Variants in FRMD4B observed in about 807,000 individuals in gnomAD.
The protein encoded by FRMD4B is FERM domain-containing protein 4B.
A neutral mutation model predicts 141.5 loss-of-function variants in FRMD4B; 74 were observed. The ratio of observed to expected loss-of-function variants is 0.52; its 90% CI spans 0.43 to 0.63. The LOEUF (loss-of-function observed/expected upper bound fraction) is 0.63, where lower values mean the gene tolerates loss of function less well. Among genes scored for constraint, FRMD4B ranks in the 30% least tolerant of loss-of-function variants. The pLI, the probability that FRMD4B is intolerant of heterozygous loss-of-function variation, is 0.00. For synonymous variants in FRMD4B, 506 were observed against 467.9 expected (o/e 1.08, Z -1.05); for missense variants, 1,366 against 1,253.4 (o/e 1.09, Z -1.36).
At chr3:69,271,451 C>A (rs1264913240) in intron 5 of FRMD4B, among the ~76,000 whole-genome samples, 7 of 152,042 alleles carry the variant, frequency 4.6e-5, no homozygotes, top group African/African-American at 1.7e-4. Flanking sequence ...GAGGTGACAG[C>A]CAAAGATCAC....
At chr3:69,536,811 A>G (rs1195186639) in intron 1 of FRMD4B, 1 of 400,492 alleles carries the variant, frequency 2.5e-6, no homozygotes, top group Non-Finnish European at 4.6e-6. Flanking sequence ...CAATGGCACT[A>G]TCACGGCTCA....
chr3:69,205,872 G>A (rs1290903521), intron 11 of FRMD4B, among the ~76,000 whole-genome samples: 6 of 152,172 alleles, frequency 3.9e-5, no homozygotes, highest in Non-Finnish European at 7.3e-5. Flanking sequence ...TAATTCTGGA[G>A]TTCTATTTCT....
At chr3:69,310,618 G>T in intron 3 of FRMD4B, 4 of 292,920 alleles carry the variant, frequency 1.4e-5, no homozygotes, top group South Asian at 5.4e-5. Flanking sequence ...AGAGAAAAGA[G>T]CTAGTAAATC....
chr3:69,504,539 G>C (rs1706563686), intron 1 of FRMD4B, among the ~76,000 whole-genome samples: 1 of 152,138 alleles, frequency 6.6e-6, no homozygotes, highest in African/African-American at 2.4e-5. Context: ...TGCCTATTCT[G>C]GGCATTTCAT....
intron 1 of FRMD4B, among the ~76,000 whole-genome samples, chr3:69,532,000 A>G (rs566597744): frequency 2.4e-4 from 37 of 152,340 alleles, no homozygotes; most frequent in Non-Finnish European, 4.9e-4. Context: ...TACAAATTGA[A>G]TTACTTTAAC....
At chr3:69,367,849 T>G (rs1431837361) in intron 1 of FRMD4B, among the ~76,000 whole-genome samples, 1 of 152,196 alleles carries the variant, frequency 6.6e-6, no homozygotes, top group Non-Finnish European at 1.5e-5. Flanking sequence ...AGAGAACAAA[T>G]ATCTTACATT....
chr3:69,181,123 GGCAGCCGGAGAGTT>G lies in FRMD4B; in HGVS notation c.2613_2626del (p.Thr872LysfsTer45). ...CTCCGATTTTGCAGCAGCCTTCCTT[GGCAGCCGGAGAGTT>G]GCATATGGGTTATGGGGTACCCGGT... is the stretch of plus-strand genomic sequence containing the variant. On this transcript the variant is annotated frameshift_variant, in exon 21 of 23. Coordinates refer to ENST00000398540, the MANE Select transcript of FRMD4B (RefSeq NM_015123.3). LOFTEE classifies it high-confidence loss of function. 6.2e-7 allele frequency: 1 copy of G among 1,613,966 alleles called. No individual in the cohort carries two copies. The highest frequency in any genetic ancestry group is 8.5e-7 in the Non-Finnish European group (1 of 1,179,876).
intron 1 of FRMD4B, among the ~76,000 whole-genome samples, chr3:69,480,528 C>T (rs9825730): frequency 0.025 from 3,739 of 152,200 alleles, 169 homozygotes; most frequent in African/African-American, 0.085. Flanking sequence ...AGCGGATTTT[C>T]GTGAACCGTG....
intron 1 of FRMD4B, among the ~76,000 whole-genome samples, chr3:69,335,012 A>G (rs77614730): frequency 0.02 from 3,072 of 152,262 alleles, 119 homozygotes; most frequent in African/African-American, 0.069. Context: ...AGGCTGGGCC[A>G]GTGGTTCATA....
intron 5 of FRMD4B, among the ~76,000 whole-genome samples, chr3:69,278,021 A>G (rs2093626557): frequency 6.6e-6 from 1 of 150,866 alleles, no homozygotes; most frequent in African/African-American, 2.4e-5. Context: ...TTGCCTGGCT[A>G]ATTTTTGTAT....
chr3:69,355,741 G>T (rs1458136788), intron 1 of FRMD4B, among the ~76,000 whole-genome samples: 1 of 152,056 alleles, frequency 6.6e-6, no homozygotes, highest in Admixed American at 6.6e-5. Flanking sequence ...TTAAAATTAG[G>T]AGGCCGGGCA....
intron 1 of FRMD4B, chr3:69,535,931 T>G: frequency 2.6e-6 from 1 of 387,186 alleles, no homozygotes; most frequent in South Asian, 2.0e-5. Flanking sequence ...TACTCCCAGC[T>G]TTCATTTTCC....
intron 1 of FRMD4B, among the ~76,000 whole-genome samples, chr3:69,484,736 G>C (rs1181950574): frequency 6.6e-6 from 1 of 151,958 alleles, no homozygotes; most frequent in Non-Finnish European, 1.5e-5. Context: ...TCAGCAGAGA[G>C]GATAACTCCT....
chr3:69,249,096 A>C, intron 7 of FRMD4B, 130 bp downstream of exon 7: 1 of 609,388 alleles, frequency 1.6e-6, no homozygotes, highest in Non-Finnish European at 2.9e-6. Flanking sequence ...TGAAGAGCGA[A>C]GAGATCTCAG....
At chr3:69,347,605 A>G (rs1160149579) in intron 1 of FRMD4B, among the ~76,000 whole-genome samples, 1 of 152,240 alleles carries the variant, frequency 6.6e-6, no homozygotes, top group Non-Finnish European at 1.5e-5. Context: ...CAGCAAATGT[A>G]AAAGAACAGA....
intron 5 of FRMD4B, among the ~76,000 whole-genome samples, chr3:69,265,272 ATATATATATAT>A (rs1559763006): frequency 0.077 from 1,247 of 16,144 alleles, 206 homozygotes; most frequent in Non-Finnish European, 0.087. Flanking sequence ...AAAAAAAAAT[ATATATATATAT>A]ATATATATAT....
chr3:69,248,828 A>AGTTAAGGGATTAAT (rs1256129418), intron 7 of FRMD4B, among the ~76,000 whole-genome samples: 4 of 152,214 alleles, frequency 2.6e-5, no homozygotes. Context: ...GCCCCTATTA[A>AGTTAAGGGATTAAT]TCCCTTAACT....
rs1269663719 is a variant in FRMD4B at position 69,169,920 on chromosome 3, AAAC to A, written c.*1938_*1940del. ...TTAGTATAAATTACTTGCTACAAAT[AAAC>A]AACATTCCCAAGATTAAAAAACCTA... On this transcript the variant is annotated 3_prime_UTR_variant, in exon 23 of 23. Coordinates refer to ENST00000398540, the MANE Select transcript of FRMD4B (RefSeq NM_015123.3). 2.6e-5 allele frequency: 4 copies of A among 152,226 alleles called. No individual in the cohort carries two copies. Among genetic ancestry groups the A allele is most frequent in the African/African-American group, 9.6e-5 (4 of 41,462 alleles). 9.4% of individuals were successfully genotyped at this position (152,226 alleles called of 1,614,324 possible).
rs1706181240 is a variant in FRMD4B at position 69,484,455 on chromosome 3, A to G, written c.-128-51694T>C. Among the ~76,000 whole-genome samples, 2 of 152,186 alleles carry G rather than the reference A, an allele frequency of 1.3e-5. 1 individual carries two copies. Among genetic ancestry groups the G allele is most frequent in the Admixed American group, 1.3e-4 (2 of 15,280 alleles). ...TTGCTCGAGTTCTTGTCCTGTGTCC[A>G]GGAAGACTGAGGTACACAGACAAAA... On this transcript the variant is annotated intron_variant, in intron 1 of 5. Coordinates refer to the FRMD4B transcript ENST00000459638.
Sources: allele counts gnomAD v4.1 joint callset (sites outside exome capture counted in the v4.1 genomes callset), GRCh38; gene constraint gnomAD v4.1.1; transcripts MANE v1.5; gene names NCBI Gene and HGNC (gene_info 2026-07-23, HGNC 2026-07-21).